ADAM28: variants seen among roughly 807,000 people sequenced by gnomAD.
ADAM28 encodes the protein disintegrin and metalloproteinase domain-containing protein 28.
ADAM28 carries 105 observed loss-of-function variants against 101.2 expected under a neutral mutation model. The observed-to-expected ratio is 1.04, with a 90% CI of 0.89 to 1.22. The LOEUF is 1.22. Ranked by LOEUF, ADAM28 falls within the 50% of genes most tolerant of loss-of-function variation. ADAM28 has a pLI of 0.00. For synonymous variants in ADAM28, 322 were observed against 310.6 expected (o/e 1.04, Z -0.39); for missense variants, 1,028 against 945.4 (o/e 1.09, Z -1.15).
At chr8:24,352,998 G>T (rs1346454246) in intron 21 of ADAM28, among the ~76,000 whole-genome samples, 2 of 151,994 alleles carry the variant, frequency 1.3e-5, no homozygotes, top group Admixed American at 1.3e-4. Context: ...CACATCCATC[G>T]GTTATCAGGA....
chr8:24,326,880 G>T (rs948047056), intron 10 of ADAM28, among the ~76,000 whole-genome samples: 2 of 151,984 alleles, frequency 1.3e-5, no homozygotes, highest in African/African-American at 2.4e-5. Flanking sequence ...AATAAACTAG[G>T]TATTGAAGGA....
At chr8:24,340,666 TAG>T (rs1455992759) in intron 15 of ADAM28, among the ~76,000 whole-genome samples, 1 of 152,168 alleles carries the variant, frequency 6.6e-6, no homozygotes, top group Non-Finnish European at 1.5e-5. Flanking sequence ...AGTGAAGAGT[TAG>T]CCTGAAATTC....
At chr8:24,309,204 T>C (rs918210927) in intron 2 of ADAM28, among the ~76,000 whole-genome samples, 3 of 152,176 alleles carry the variant, frequency 2.0e-5, no homozygotes, top group Non-Finnish European at 4.4e-5. Flanking sequence ...CCCGAGGTAA[T>C]ATTTCTTCCT....
chr8:24,349,410 C>T lies in ADAM28; in HGVS notation c.1991-454C>T, dbSNP rs895757713. 5.9e-5 allele frequency among the ~76,000 whole-genome samples: 9 copies of T among 152,116 alleles called. No individual in the cohort carries two copies. The South Asian group carries it at 6.2e-4, about 11-fold the overall frequency. ...TGTAGACCAACATCAGTGGAACACT[C>T]GATTATTTGTCTTCTTAGTCACACC... On this transcript the variant is annotated intron_variant, in intron 18 of 22. Transcript: ENST00000265769.
At chr8:24,326,106 G>C (rs1385191719) in intron 9 of ADAM28, among the ~76,000 whole-genome samples, 2 of 151,588 alleles carry the variant, frequency 1.3e-5, no homozygotes, top group African/African-American at 4.8e-5. Flanking sequence ...CTTTCAAAAT[G>C]GGCCCAATCC....
At position 24,357,822 on chromosome 8, in the gene ADAM28, G is replaced by A. The variant is rs899808802; in HGVS notation, c.*3418G>A. The A allele has an allele frequency of 1.4e-4, 21 of 151,830 alleles. No individual in the cohort carries two copies. Among genetic ancestry groups the A allele is most frequent in the African/African-American group, 4.6e-4 (19 of 41,334 alleles). The allele number at this position is 151,830 out of a possible 1,614,324, so 9.4% of individuals were successfully genotyped here. ...TTGTTCTCCCTTCTTTACTAGCACC[G>A]AGGATTTGCTTGAAATCTCTGATAG... On this transcript the variant is annotated 3_prime_UTR_variant, in exon 23 of 23. Coordinates refer to ENST00000265769, the MANE Select transcript of ADAM28 (RefSeq NM_014265.6).
At chr8:24,350,350 G>T (rs994531410) in intron 19 of ADAM28, among the ~76,000 whole-genome samples, 2 of 151,868 alleles carry the variant, frequency 1.3e-5, no homozygotes, top group African/African-American at 2.4e-5. Context: ...CTCCCTCTGT[G>T]GCCCAGGCTG....
At chr8:24,336,758 G>C (rs1814145501) in intron 14 of ADAM28, among the ~76,000 whole-genome samples, 1 of 151,642 alleles carries the variant, frequency 6.6e-6, no homozygotes, top group Admixed American at 6.6e-5. Flanking sequence ...ATGTTGGTCA[G>C]AGGATACAAA....
chr8:24,314,795 T>TAAA (rs1488780382), intron 6 of ADAM28, among the ~76,000 whole-genome samples: 1 of 151,474 alleles, frequency 6.6e-6, no homozygotes, highest in African/African-American at 2.4e-5. Flanking sequence ...ATTGTGACAT[T>TAAA]AAAAGTATAA....
At chr8:24,344,119 A>G (rs944733208) in intron 18 of ADAM28, among the ~76,000 whole-genome samples, 1 of 152,052 alleles carries the variant, frequency 6.6e-6, no homozygotes, top group Non-Finnish European at 1.5e-5. Flanking sequence ...GTGCTGTTGT[A>G]CCTACTGATA....
At chr8:24,322,490 A>T (rs189725773) in intron 8 of ADAM28, 2 of 152,152 alleles carry the variant, frequency 1.3e-5, no homozygotes, top group African/African-American at 4.8e-5. Flanking sequence ...CTGCGTGTGA[A>T]TGGAATTTGG....
intron 13 of ADAM28, among the ~76,000 whole-genome samples, chr8:24,333,444 G>A (rs1334801169): frequency 2.0e-5 from 3 of 152,152 alleles, no homozygotes; most frequent in Non-Finnish European, 2.9e-5. Context: ...GCACATAGGT[G>A]TACATATGTA....
At chr8:24,300,813 A>G (rs944891594) in intron 2 of ADAM28, 8 of 152,194 alleles carry the variant, frequency 5.3e-5, no homozygotes, top group African/African-American at 1.9e-4. Flanking sequence ...AACTATGACA[A>G]TTGAAACAGA....
At chr8:24,344,334 C>T (rs7001656) in intron 18 of ADAM28, among the ~76,000 whole-genome samples, 11,603 of 152,182 alleles carry the variant, frequency 0.076, 806 homozygotes, top group African/African-American at 0.18. Context: ...ACGCTCCCCT[C>T]TCTGTCTGAT....
In ADAM28 at chr8:24,340,168, T is replaced by A. The variant is rs182164890; in HGVS notation, c.1670+600T>A. Among the ~76,000 whole-genome samples, 376 of 152,332 alleles carry A rather than the reference T, an allele frequency of 2.5e-3. 9 individuals carry two copies. The highest frequency in any genetic ancestry group is 1.5e-4 in the Non-Finnish European group (10 of 68,022). ...ATGGTTTAATTCTGCAATTTTGAGA[T>A]GAGTTTTAAAATCCAATTATAGATT... is the stretch of plus-strand genomic sequence containing the variant. On this transcript the variant is annotated intron_variant, in intron 15 of 22. Transcript: ENST00000265769.
At chr8:24,296,861 G>A (rs907297853) in intron 1 of ADAM28, among the ~76,000 whole-genome samples, 2 of 152,154 alleles carry the variant, frequency 1.3e-5, no homozygotes, top group East Asian at 1.9e-4. Flanking sequence ...AATAATTAAC[G>A]TGATGTTATT....
chr8:24,332,691 C>A lies in ADAM28; in HGVS notation c.1313C>A (p.Thr438Lys), dbSNP rs867167454. ...ECTNICCDAK[T>K]CKIKATFQCA... ...ACCAATATTTGCTGTGATGCTAAGA[C>A]ATGTAAAATCAAAGCAACTTTTCAA... The change falls in exon 13 of 23, where the codon ACA (threonine) becomes AAA (lysine). Residue 438 changes from threonine (T) to lysine (K), a missense_variant. Thr to Lys is a moderately conservative substitution (Grantham distance 78). Transcript: ENST00000265769. 1.3e-6 allele frequency: 2 copies of A among 1,524,832 alleles called. No homozygotes were observed. The highest frequency in any genetic ancestry group is 2.7e-5 in the African/African-American group (2 of 73,154). 94.5% of individuals were successfully genotyped at this position (1,524,832 alleles called of 1,614,324 possible).
chr8:24,323,695 TTC>T (rs1812178156), intron 8 of ADAM28, 137 bp from the exon 9 acceptor site: 1 of 852,038 alleles, frequency 1.2e-6, no homozygotes, highest in Non-Finnish European at 1.7e-6. Flanking sequence ...AGTCAATACA[TTC>T]TGTTTCACAA....
intron 6 of ADAM28, among the ~76,000 whole-genome samples, chr8:24,319,320 T>G (rs888775726): frequency 6.6e-6 from 1 of 151,978 alleles, no homozygotes; most frequent in African/African-American, 2.4e-5. Context: ...ATGCCCACTT[T>G]AATCCTTCAC....
Sources: gnomAD v4.1 joint callset for allele counts (sites outside exome capture counted in the v4.1 genomes callset) on GRCh38, gnomAD v4.1.1 for gene constraint, MANE v1.5 for transcripts, NCBI Gene and HGNC (gene_info 2026-07-23, HGNC 2026-07-21) for gene names.